Variants in NME9 observed in about 807,000 individuals in gnomAD.
The protein encoded by NME9 is thioredoxin domain-containing protein 6.
A neutral mutation model predicts 44.4 loss-of-function variants in NME9; 48 were observed. The observed-to-expected ratio is 1.08, with a 90% CI of 0.86 to 1.37. The LOEUF is 1.37. NME9 is among the 40% of genes most tolerant of loss of function. The probability of loss-of-function intolerance (pLI) is 0.00; values close to 1 mark genes in which losing one functional copy is unlikely to be tolerated. For missense variants in NME9, 325 were observed against 405.2 expected (o/e 0.80, Z 1.70); for synonymous variants, 139 against 147.1 (o/e 0.94, Z 0.40).
intron 8 of NME9, among the ~76,000 whole-genome samples, chr3:138,295,660 G>T (rs2051417215): frequency 6.6e-6 from 1 of 152,230 alleles, no homozygotes; most frequent in African/African-American, 2.4e-5. Flanking sequence ...ACAGGAAGAA[G>T]AATATAGCCA....
chr3:138,279,501 T>C (rs2049658165), intron 8 of NME9, among the ~76,000 whole-genome samples: 1 of 152,238 alleles, frequency 6.6e-6, no homozygotes, highest in South Asian at 2.1e-4. Context: ...TATTGATGAA[T>C]AGTTTTTTAA....
rs1237365042 is a variant in NME9, at chr3:138,303,562, C to A, written c.873G>T (p.Leu291=). The A allele has an allele frequency of 6.2e-7, 1 of 1,613,632 alleles. No homozygotes were observed. The highest frequency in any genetic ancestry group is 1.1e-5 in the South Asian group (1 of 91,086). ...SRDREDADRE[L]ALLFPSLKFS... Reference sequence around the variant, plus strand: ...ATTTCAAACTGGGGAAGAGCAATGCCAGTTCTCTGTCAGCATCTTCTCTGT... The same window carrying A: ...ATTTCAAACTGGGGAAGAGCAATGCAAGTTCTCTGTCAGCATCTTCTCTGT... The change falls in exon 10 of 11, where the codon CTG becomes CTT. Residue 291 remains leucine (L), a synonymous_variant. Transcript: ENST00000333911.
intron 8 of NME9, among the ~76,000 whole-genome samples, chr3:138,277,834 C>CAAA (rs1182775849): frequency 1.7e-4 from 26 of 152,298 alleles, no homozygotes; most frequent in African/African-American, 5.8e-4. Context: ...TTCATAACAA[C>CAAA]TTTATTTGTA....
At chr3:138,275,295 T>C (rs554177387) in intron 8 of NME9, among the ~76,000 whole-genome samples, 4 of 152,278 alleles carry the variant, frequency 2.6e-5, no homozygotes, top group African/African-American at 9.6e-5. Context: ...CAGTGGCTCA[T>C]GCCTGTAATC....
At chr3:138,295,932 T>TAAACAAGGAG in intron 8 of NME9, 1 of 1,608,324 alleles carries the variant, frequency 6.2e-7, no homozygotes, top group Non-Finnish European at 8.5e-7. Context: ...CCCACCTCCT[T>TAAACAAGGAG]GTTTAAGGAA....
chr3:138,301,597 G>A lies in NME9; in HGVS notation c.*43C>T, dbSNP rs2051850388. ...CGATTCCGGAGGTCTGTTTTGTGCAGTAGACCCCTGGTCACGTGCTCTGGA... is the reference window on the plus strand; with the variant it reads ...CGATTCCGGAGGTCTGTTTTGTGCAATAGACCCCTGGTCACGTGCTCTGGA... On this transcript the variant is annotated 3_prime_UTR_variant, in exon 11 of 11. Coordinates refer to ENST00000333911, the MANE Select transcript of NME9 (RefSeq NM_001349018.2). 1 of 1,535,592 alleles carries A rather than the reference G, an allele frequency of 6.5e-7. No individual in the cohort carries two copies. The highest frequency in any genetic ancestry group is 1.4e-5 in the African/African-American group (1 of 73,116).
chr3:138,272,896 A>C (rs1466423141), intron 8 of NME9: 4 of 1,257,924 alleles, frequency 3.2e-6, no homozygotes, highest in Non-Finnish European at 4.2e-6. Flanking sequence ...AAATTACCAG[A>C]GTTACTATTA....
intron 8 of NME9, chr3:138,287,860 A>AT (rs2050576598): frequency 5.8e-5 from 17 of 293,746 alleles, no homozygotes; most frequent in South Asian, 1.3e-4. Flanking sequence ...CATACTAGAA[A>AT]TTTTTTTTAT....
At chr3:138,270,634 G>A (rs2048702772) in intron 8 of NME9, among the ~76,000 whole-genome samples, 2 of 152,082 alleles carry the variant, frequency 1.3e-5, no homozygotes, top group East Asian at 1.9e-4. Flanking sequence ...TAGATTGTGG[G>A]ATGGCTAATT....
At chr3:138,262,449 A>G (rs755939051) in exon 9 of NME9, 1 of 1,431,968 alleles carries the variant, frequency 7.0e-7, no homozygotes, top group South Asian at 1.2e-5. Flanking sequence ...GTTAATTTCA[A>G]CAATATTTTC....
At chr3:138,280,547 G>A (rs1393791893) in intron 8 of NME9, among the ~76,000 whole-genome samples, 1 of 150,534 alleles carries the variant, frequency 6.6e-6, no homozygotes, top group Non-Finnish European at 1.5e-5. Context: ...AGGCTGGAGT[G>A]CAGTGGTGTG....
intron 8 of NME9, among the ~76,000 whole-genome samples, chr3:138,271,980 C>G (rs184716235): frequency 1.3e-5 from 2 of 152,050 alleles, no homozygotes. Context: ...ATTTTTGTAT[C>G]AAAAGTTGAT....
intron 5 of NME9, among the ~76,000 whole-genome samples, 163 bp downstream of exon 5, chr3:138,315,364 A>G (rs1168000796): frequency 1.3e-5 from 2 of 152,228 alleles, no homozygotes; most frequent in Admixed American, 6.5e-5. Flanking sequence ...AAATGCACAC[A>G]TATCACCAGG....
chr3:138,264,488 T>G (rs577239086), intron 8 of NME9, among the ~76,000 whole-genome samples: 22 of 142,758 alleles, frequency 1.5e-4, no homozygotes, highest in Non-Finnish European at 2.4e-4. Flanking sequence ...GGCATGATCT[T>G]GGCTCACTGC....
chr3:138,289,498 C>A (rs573239372), intron 8 of NME9, among the ~76,000 whole-genome samples: 1 of 152,176 alleles, frequency 6.6e-6, no homozygotes, highest in South Asian at 2.1e-4. Flanking sequence ...GGACTACAGG[C>A]AGATAAGCAT....
intron 8 of NME9, chr3:138,263,975 C>T: frequency 1.1e-6 from 1 of 946,240 alleles, no homozygotes; most frequent in Non-Finnish European, 1.7e-6. Flanking sequence ...TAACAGAGAG[C>T]CTGGCCTCCA....
At chr3:138,319,359 ACT>A in intron 3 of NME9, 117 bp downstream of exon 3, 1 of 643,872 alleles carries the variant, frequency 1.6e-6, no homozygotes, top group South Asian at 1.8e-5. Flanking sequence ...AAAAGTCCAC[ACT>A]GATTCCTTTT....
At chr3:138,320,266 C>G (rs982437280) in intron 2 of NME9, among the ~76,000 whole-genome samples, 2 of 152,206 alleles carry the variant, frequency 1.3e-5, no homozygotes, top group Non-Finnish European at 2.9e-5. Context: ...CTCCTGTCTA[C>G]TGGATCTGTG....
intron 8 of NME9, among the ~76,000 whole-genome samples, chr3:138,268,718 A>G (rs966481205): frequency 2.0e-5 from 3 of 151,978 alleles, no homozygotes; most frequent in Non-Finnish European, 4.4e-5. Flanking sequence ...TGAGGTTGCA[A>G]TGAGGTATGA....
Sources: gnomAD v4.1 joint callset for allele counts (sites outside exome capture counted in the v4.1 genomes callset) on GRCh38, gnomAD v4.1.1 for gene constraint, MANE v1.5 for transcripts, NCBI Gene and HGNC (gene_info 2026-07-23, HGNC 2026-07-21) for gene names.